The following TNFRSF21 variants were observed in gnomAD, a reference collection of about 807,000 sequenced individuals.
TNFRSF21 encodes tumor necrosis factor receptor superfamily member 21.
Under a neutral mutation model 45.6 loss-of-function variants are expected in TNFRSF21, and 19 were observed. The observed-to-expected ratio is 0.42, with a 90% confidence interval of 0.29 to 0.61. The LOEUF (loss-of-function observed/expected upper bound fraction) is 0.61, where lower values mean the gene tolerates loss of function less well. Ranked by LOEUF, TNFRSF21 falls within the 20% of genes least tolerant of loss-of-function variation. The pLI, the probability that TNFRSF21 is intolerant of heterozygous loss-of-function variation, is 0.23. For synonymous variants in TNFRSF21, 314 were observed against 335.5 expected (o/e 0.94, Z 0.70); for missense variants, 737 against 851.5 (o/e 0.87, Z 1.67).
chr6:47,235,166 G>A (rs897489195), intron 4 of TNFRSF21, among the ~76,000 whole-genome samples: 1 of 152,078 alleles, frequency 6.6e-6, no homozygotes, highest in Non-Finnish European at 1.5e-5. Flanking sequence ...AGGGAACATG[G>A]GTGTAAGGAG....
At chr6:47,280,292 G>T (rs899483839) in intron 3 of TNFRSF21, among the ~76,000 whole-genome samples, 1 of 152,124 alleles carries the variant, frequency 6.6e-6, no homozygotes, top group Non-Finnish European at 1.5e-5. Flanking sequence ...ACAAGGACCA[G>T]GAAAAGATCT....
At chr6:47,266,783 T>C (rs1762337892) in intron 3 of TNFRSF21, among the ~76,000 whole-genome samples, 1 of 152,212 alleles carries the variant, frequency 6.6e-6, no homozygotes, top group Non-Finnish European at 1.5e-5. Flanking sequence ...AAAAGAGACA[T>C]TATAAATATT....
At chr6:47,282,418 G>T (rs1330556903) in intron 3 of TNFRSF21, among the ~76,000 whole-genome samples, 3 of 148,390 alleles carry the variant, frequency 2.0e-5, no homozygotes, top group East Asian at 2.0e-4. Flanking sequence ...CCCTCAGAAA[G>T]TTTATGAATT....
At chr6:47,237,377 C>T (rs1180006331) in intron 4 of TNFRSF21, among the ~76,000 whole-genome samples, 1 of 152,152 alleles carries the variant, frequency 6.6e-6, no homozygotes, top group East Asian at 1.9e-4. Flanking sequence ...GTACTGCTAC[C>T]GTACTAGGCA....
Position 47,232,748 on chromosome 6 carries a change from T to A in TNFRSF21, c.*17A>T, listed in dbSNP as rs762451583. ...CCACTAAATTGAGTAATTTCCAGAA[T>A]GCAGTATCCCTATGTTCTACAGCAG... On this transcript the variant is annotated 3_prime_UTR_variant, in exon 6 of 6. Coordinates refer to ENST00000296861, the MANE Select transcript of TNFRSF21 (RefSeq NM_014452.5). The A allele has an allele frequency of 1.9e-6, 3 of 1,607,316 alleles. No homozygotes were observed. In the Admixed American group the frequency reaches 5.0e-5, roughly 27 times the overall value.
chr6:47,235,059 C>G (rs568139278), intron 4 of TNFRSF21, among the ~76,000 whole-genome samples, 161 bp from the exon 5 acceptor site: 1 of 152,184 alleles, frequency 6.6e-6, no homozygotes, highest in African/African-American at 2.4e-5. Context: ...TAGACACATA[C>G]ACAGACTTTT....
chr6:47,235,773 G>GA (rs2113842214), intron 4 of TNFRSF21, among the ~76,000 whole-genome samples: 1 of 152,290 alleles, frequency 6.6e-6, no homozygotes, highest in African/African-American at 2.4e-5. Context: ...GAGAACAGGA[G>GA]AAAATGAGAG....
rs1018975607 is a variant in TNFRSF21 at position 47,297,811 on chromosome 6, C to G, written c.97-11216G>C. ...ATGCTGGCATCACAGATGTAAGCCA[C>G]CGCACCTGGCCAAGACAATCTTTTA... On this transcript the variant is annotated intron_variant, in intron 1 of 5. Coordinates refer to ENST00000296861, the MANE Select transcript of TNFRSF21 (RefSeq NM_014452.5). Among the ~76,000 whole-genome samples the G allele has an allele frequency of 3.3e-5, 5 of 152,144 alleles. No individual in the cohort carries two copies. The East Asian group carries it at 9.6e-4, about 29-fold the overall frequency.
intron 3 of TNFRSF21, among the ~76,000 whole-genome samples, chr6:47,283,069 GAT>G (rs1375948673): frequency 1.3e-5 from 2 of 152,174 alleles, no homozygotes; most frequent in African/African-American, 4.8e-5. Context: ...TAGAAAAATA[GAT>G]ATACCCCTTT....
At position 47,253,398 on chromosome 6, in the gene TNFRSF21, T is replaced by G; in HGVS notation, c.1367A>C (p.His456Pro). Residue 456 changes from histidine (H) to proline (P), a missense_variant, in exon 4 of 6, where the codon CAC becomes CCC. Transcript: ENST00000296861. ...AAFSNGYTAD[H>P]ERAYAALQHW... ...CTGCAGAGCTGCGTAGGCCCGCTCG[T>G]GGTCGGCTGTGTACCCATTGGAGAA... 1 of 1,614,212 alleles carries G rather than the reference T, an allele frequency of 6.2e-7. No homozygotes were observed. The highest frequency in any genetic ancestry group is 8.5e-7 in the Non-Finnish European group (1 of 1,180,040).
At chr6:47,271,531 A>G (rs1336951437) in intron 3 of TNFRSF21, among the ~76,000 whole-genome samples, 1 of 152,166 alleles carries the variant, frequency 6.6e-6, no homozygotes, top group South Asian at 2.1e-4. Context: ...ACATGCAGAG[A>G]AACAACCAGT....
chr6:47,300,443 GT>G (rs1431115366), intron 1 of TNFRSF21, among the ~76,000 whole-genome samples: 1 of 152,172 alleles, frequency 6.6e-6, no homozygotes, highest in African/African-American at 2.4e-5. Context: ...ACTGTAAAAT[GT>G]GCTAACTGGC....
Position 47,232,551 on chromosome 6 carries a change from A to C in TNFRSF21, c.*214T>G. 1 of 550,560 alleles carries C rather than the reference A, an allele frequency of 1.8e-6. No individual in the cohort carries two copies. The highest frequency in any genetic ancestry group is 3.2e-6 in the Non-Finnish European group (1 of 314,774). The allele number at this position is 550,560 out of a possible 1,614,324, so 34.1% of individuals were successfully genotyped here. On this transcript the variant is annotated 3_prime_UTR_variant, in exon 6 of 6. Transcript: ENST00000296861. ...GCAAAGGCTTATAAACCAACTTCCC[A>C]GAAGAGTTATTTAAAAAAAAAAGAG...
At chr6:47,239,660 GA>G (rs1431389243) in intron 4 of TNFRSF21, among the ~76,000 whole-genome samples, 1 of 152,062 alleles carries the variant, frequency 6.6e-6, no homozygotes, top group Non-Finnish European at 1.5e-5. Flanking sequence ...GAAAATCCTG[GA>G]AAAAGCATTG....
intron 1 of TNFRSF21, among the ~76,000 whole-genome samples, chr6:47,295,373 G>A (rs1014340050): frequency 1.3e-5 from 2 of 152,172 alleles, no homozygotes; most frequent in Non-Finnish European, 2.9e-5. Flanking sequence ...CGGAAAATGA[G>A]CAAAGTCAAG....
chr6:47,258,661 A>G (rs993392158), intron 3 of TNFRSF21, among the ~76,000 whole-genome samples: 1 of 151,852 alleles, frequency 6.6e-6, no homozygotes, highest in East Asian at 1.9e-4. Flanking sequence ...CTGATCTCAA[A>G]CTCCTGACCT....
At chr6:47,251,122 T>C (rs1441743931) in intron 4 of TNFRSF21, among the ~76,000 whole-genome samples, 1 of 152,038 alleles carries the variant, frequency 6.6e-6, no homozygotes, top group Non-Finnish European at 1.5e-5. Flanking sequence ...CCCAAGCATA[T>C]CAGATAAAGG....
chr6:47,277,523 C>T (rs1762515534), intron 3 of TNFRSF21, among the ~76,000 whole-genome samples: 1 of 152,128 alleles, frequency 6.6e-6, no homozygotes, highest in Non-Finnish European at 1.5e-5. Context: ...AAGCACTGGG[C>T]ACACACTCAT....
intron 3 of TNFRSF21, among the ~76,000 whole-genome samples, chr6:47,261,099 C>T (rs1056142162): frequency 1.3e-5 from 2 of 152,162 alleles, no homozygotes; most frequent in Non-Finnish European, 2.9e-5. Flanking sequence ...TAACACCCCC[C>T]CAAACCTCCC....
Sources: gnomAD v4.1 joint callset for allele counts (sites outside exome capture counted in the v4.1 genomes callset) on GRCh38, gnomAD v4.1.1 for gene constraint, MANE v1.5 for transcripts, NCBI Gene and HGNC (gene_info 2026-07-23, HGNC 2026-07-21) for gene names.